ZMYND12: variants seen among roughly 807,000 people sequenced by gnomAD.
The protein encoded by ZMYND12 is zinc finger MYND-type containing 12.
Under a neutral mutation model 41.7 loss-of-function variants are expected in ZMYND12, and 32 were observed. The ratio of observed to expected loss-of-function variants is 0.77; its 90% confidence interval spans 0.58 to 1.03. ZMYND12 has a LOEUF of 1.03. ZMYND12 is among the 50% of genes least tolerant of loss of function. ZMYND12 has a pLI of 0.00. For synonymous variants in ZMYND12, 148 were observed against 164.8 expected, an observed-to-expected ratio of 0.90 and a Z score of 0.78; for missense variants, 424 against 438.5, an observed-to-expected ratio of 0.97 and a Z score of 0.30.
rs1158457352 is a variant in ZMYND12, at chr1:42,433,216, T to C, written c.902A>G (p.Lys301Arg). Reference protein sequence around the residue: ...ILNIRESTSDKAPQKTIFVLK... With the variant: ...ILNIRESTSDRAPQKTIFVLK... ...AACAAAGATGGTTTTTTGGGGGGCT[T>C]TGTCAGATGTAGATTCTCGAATGTT... Residue 301 changes from lysine to arginine, a missense_variant, in exon 7 of 8, where the codon AAA becomes AGA. Coordinates refer to ENST00000372565, the MANE Select transcript of ZMYND12 (RefSeq NM_032257.5). The C allele has an allele frequency of 1.1e-5, 18 of 1,612,890 alleles. No homozygotes were observed. Among genetic ancestry groups the C allele is most frequent in the Non-Finnish European group, 1.5e-5 (18 of 1,179,498 alleles).
intron 4 of ZMYND12, among the ~76,000 whole-genome samples, chr1:42,439,107 A>G (rs1642937841): frequency 6.6e-6 from 1 of 152,212 alleles, no homozygotes; most frequent in African/African-American, 2.4e-5. Context: ...CCAAGGTACT[A>G]TACATTTATT....
rs991784745 is a variant in ZMYND12, at chr1:42,436,871, T to C, written c.595-328A>G. Reference sequence around the variant, plus strand: ...AACCCTCACACATTGCCAATGGGAATGTAAAAGGGTGCAGCCTCTGTGGAA... The same window carrying C: ...AACCCTCACACATTGCCAATGGGAACGTAAAAGGGTGCAGCCTCTGTGGAA... On this transcript the variant is annotated intron_variant, in intron 4 of 7. Coordinates refer to ENST00000372565, the MANE Select transcript of ZMYND12 (RefSeq NM_032257.5). 3.3e-5 allele frequency among the ~76,000 whole-genome samples: 5 copies of C among 152,144 alleles called. No homozygotes were observed. The East Asian group carries it at 9.7e-4, about 29-fold the overall frequency.
At position 42,430,749 on chromosome 1, in the gene ZMYND12, T is replaced by G. The variant is rs1237796049; in HGVS notation, c.1085A>C (p.His362Pro). 1 of 1,614,210 alleles carries G rather than the reference T, an allele frequency of 6.2e-7. No homozygotes were observed. Among genetic ancestry groups the G allele is most frequent in the Non-Finnish European group, 8.5e-7 (1 of 1,180,018 alleles). The part of the protein sequence containing the change: ...ELLSLISTED[H>P]PIT Reference sequence around the variant, plus strand: ...GCTCATGGGTCACTAAGTAATGGGATGGTCTTCAGTTGAAATGAGACTTAA... The same window carrying G: ...GCTCATGGGTCACTAAGTAATGGGAGGGTCTTCAGTTGAAATGAGACTTAA... Residue 362 changes from histidine to proline, a missense_variant, in exon 8 of 8, where the codon CAT (histidine) becomes CCT (proline). By Grantham distance (77) the His-to-Pro change is moderately conservative. Transcript: ENST00000372565.
At chr1:42,446,009 G>T (rs1277497070) in intron 3 of ZMYND12, among the ~76,000 whole-genome samples, 1 of 152,184 alleles carries the variant, frequency 6.6e-6, no homozygotes, top group Non-Finnish European at 1.5e-5. Flanking sequence ...CTGGAATGGG[G>T]TGTCAGACCT....
chr1:42,433,391 C>T (rs1459727699), intron 6 of ZMYND12, 103 bp from the exon 7 acceptor site: 3 of 1,343,116 alleles, frequency 2.2e-6, no homozygotes, highest in Non-Finnish European at 3.0e-6. Context: ...TGAAGCCTTC[C>T]CAAGGGCACT....
intron 3 of ZMYND12, among the ~76,000 whole-genome samples, chr1:42,447,991 A>G (rs915151305): frequency 1.3e-5 from 2 of 152,236 alleles, no homozygotes; most frequent in Non-Finnish European, 2.9e-5. Context: ...GAAGCTAATT[A>G]GTTTCTACTG....
At chr1:42,453,623 G>C (rs977201557) in intron 1 of ZMYND12, among the ~76,000 whole-genome samples, 1 of 152,198 alleles carries the variant, frequency 6.6e-6, no homozygotes, top group African/African-American at 2.4e-5. Context: ...ATTACTTCCG[G>C]CTGGAGGGAT....
intron 3 of ZMYND12, among the ~76,000 whole-genome samples, chr1:42,446,814 T>G (rs1261823835): frequency 6.6e-6 from 1 of 152,114 alleles, no homozygotes; most frequent in African/African-American, 2.4e-5. Flanking sequence ...AGCTTTTGGC[T>G]TCTGATTTTC....
intron 1 of ZMYND12, among the ~76,000 whole-genome samples, chr1:42,454,654 C>A (rs1643127415): frequency 6.6e-6 from 1 of 151,936 alleles, no homozygotes; most frequent in South Asian, 2.1e-4. Flanking sequence ...TAGCCCTAAC[C>A]TTTATCTTCT....
At chr1:42,443,276 C>T (rs1368763038) in intron 3 of ZMYND12, among the ~76,000 whole-genome samples, 1 of 152,164 alleles carries the variant, frequency 6.6e-6, no homozygotes, top group African/African-American at 2.4e-5. Context: ...AAGCTTGTGA[C>T]CAGTGAGTGC....
At chr1:42,449,780 G>A in intron 2 of ZMYND12, 138 bp downstream of exon 2, 1 of 990,530 alleles carries the variant, frequency 1.0e-6, no homozygotes, top group South Asian at 1.7e-5. Context: ...GGATGGTGTT[G>A]AGGACTTAAA....
chr1:42,455,282 T>C (rs72950583), intron 1 of ZMYND12, among the ~76,000 whole-genome samples: 1,855 of 152,270 alleles, frequency 0.012, 31 homozygotes, highest in African/African-American at 0.041. Context: ...TTCCACATAC[T>C]GCCCCATTCA....
At chr1:42,439,776 A>AT in intron 4 of ZMYND12, 80 bp downstream of exon 4, 1 of 1,416,616 alleles carries the variant, frequency 7.1e-7, no homozygotes, top group Non-Finnish European at 9.5e-7. Flanking sequence ...TTTTAAAAAA[A>AT]TTAAACAGAT....
At chr1:42,442,988 G>A (rs1265895841) in intron 3 of ZMYND12, among the ~76,000 whole-genome samples, 1 of 152,138 alleles carries the variant, frequency 6.6e-6, no homozygotes, top group African/African-American at 2.4e-5. Context: ...TCTCACATTT[G>A]AAGAAGCAAA....
At chr1:42,446,067 G>A (rs1034719454) in intron 3 of ZMYND12, among the ~76,000 whole-genome samples, 5 of 152,182 alleles carry the variant, frequency 3.3e-5, no homozygotes, top group African/African-American at 1.2e-4. Context: ...CTGTTATGGG[G>A]AGTTGGAACC....
chr1:42,454,412 A>C (rs1643121227), intron 1 of ZMYND12, among the ~76,000 whole-genome samples: 1 of 152,252 alleles, frequency 6.6e-6, no homozygotes, highest in African/African-American at 2.4e-5. Flanking sequence ...GTGTTAGGAT[A>C]GGGGACATAC....
At chr1:42,443,323 C>G (rs1181340426) in intron 3 of ZMYND12, among the ~76,000 whole-genome samples, 1 of 152,156 alleles carries the variant, frequency 6.6e-6, no homozygotes, top group Non-Finnish European at 1.5e-5. Flanking sequence ...CAGTGCCTAC[C>G]TGGAGAGGCA....
At chr1:42,437,644 C>T (rs931943533) in intron 4 of ZMYND12, among the ~76,000 whole-genome samples, 4 of 150,530 alleles carry the variant, frequency 2.7e-5, no homozygotes, top group Non-Finnish European at 4.4e-5. Flanking sequence ...TTCCGAGCGG[C>T]TGGCATGACA....
chr1:42,444,592 C>G (rs187290249), intron 3 of ZMYND12, among the ~76,000 whole-genome samples: 1 of 152,130 alleles, frequency 6.6e-6, no homozygotes, highest in Non-Finnish European at 1.5e-5. Flanking sequence ...ACAGTGCTCA[C>G]GAGGTTTCAG....
Sources: gnomAD v4.1 joint callset for allele counts (sites outside exome capture counted in the v4.1 genomes callset) on GRCh38, gnomAD v4.1.1 for gene constraint, MANE v1.5 for transcripts, NCBI Gene and HGNC (gene_info 2026-07-23, HGNC 2026-07-21) for gene names.